The following SEMA5A variants were observed in gnomAD, a reference collection of about 807,000 sequenced individuals.
SEMA5A encodes semaphorin 5A.
Under a neutral mutation model 135.5 loss-of-function variants are expected in SEMA5A, and 55 were observed. The observed-to-expected ratio is 0.41, with a 90% CI of 0.33 to 0.51. The LOEUF is 0.51. SEMA5A is among the 20% of genes least tolerant of loss of function. The pLI, the probability that SEMA5A is intolerant of heterozygous loss-of-function variation, is 0.37. For missense variants in SEMA5A, 1,290 were observed against 1,419.9 expected, an observed-to-expected ratio of 0.91 and a Z score of 1.47; for synonymous variants, 580 against 546.5, an observed-to-expected ratio of 1.06 and a Z score of -0.85.
At chr5:9,257,685 C>A (rs761742793) in intron 5 of SEMA5A, among the ~76,000 whole-genome samples, 1 of 152,122 alleles carries the variant, frequency 6.6e-6, no homozygotes. Flanking sequence ...CTTACCCTTC[C>A]CCTTGGTCAT....
intron 16 of SEMA5A, among the ~76,000 whole-genome samples, chr5:9,085,679 G>A (rs1738641142): frequency 6.6e-6 from 1 of 152,206 alleles, no homozygotes; most frequent in East Asian, 1.9e-4. Context: ...CTCTGTTAGG[G>A]CAGTTCAGAA....
chr5:9,431,861 A>G (rs917198743), intron 2 of SEMA5A, among the ~76,000 whole-genome samples: 3 of 152,094 alleles, frequency 2.0e-5, no homozygotes, highest in South Asian at 4.1e-4. Context: ...TCCCAGCCTC[A>G]CTCAATCACG....
intron 6 of SEMA5A, among the ~76,000 whole-genome samples, chr5:9,227,925 G>A (rs769937247): frequency 7.2e-5 from 11 of 152,194 alleles, no homozygotes; most frequent in Non-Finnish European, 1.0e-4. Context: ...AAACATTTGG[G>A]ACAAAACCCT....
At chr5:9,245,639 A>ACCAGGGAGG (rs1327452231) in intron 5 of SEMA5A, among the ~76,000 whole-genome samples, 1 of 152,214 alleles carries the variant, frequency 6.6e-6, no homozygotes, top group Non-Finnish European at 1.5e-5. Flanking sequence ...TCTATAATAA[A>ACCAGGGAGG]CCAGGGAGGC....
chr5:9,535,417 C>T (rs1182296038), intron 1 of SEMA5A, among the ~76,000 whole-genome samples: 1 of 152,074 alleles, frequency 6.6e-6, no homozygotes, highest in Non-Finnish European at 1.5e-5. Context: ...TGCCTGGACA[C>T]GCTGAGATGC....
chr5:9,350,920 T>C (rs1433881536), intron 3 of SEMA5A, among the ~76,000 whole-genome samples: 3 of 152,236 alleles, frequency 2.0e-5, no homozygotes, highest in African/African-American at 7.2e-5. Context: ...TGAGTCCTTC[T>C]AGAAAATCAT....
At chr5:9,223,434 T>A (rs549997474) in intron 8 of SEMA5A, among the ~76,000 whole-genome samples, 2 of 152,324 alleles carry the variant, frequency 1.3e-5, no homozygotes, top group East Asian at 3.9e-4. Context: ...CAGGGGGTAC[T>A]GAAAAATTGC....
chr5:9,266,286 G>A (rs376578561), intron 5 of SEMA5A, among the ~76,000 whole-genome samples: 1 of 152,060 alleles, frequency 6.6e-6, no homozygotes, highest in Non-Finnish European at 1.5e-5. Context: ...TAAAGCACAA[G>A]TGAGCTTCTG....
intron 11 of SEMA5A, among the ~76,000 whole-genome samples, chr5:9,155,386 T>C (rs1742898385): frequency 6.6e-6 from 1 of 152,142 alleles, no homozygotes; most frequent in African/African-American, 2.4e-5. Flanking sequence ...TTTATCTGCT[T>C]GACTGCTAGC....
At chr5:9,206,406 C>T (rs1202949220) in intron 8 of SEMA5A, among the ~76,000 whole-genome samples, 1 of 151,958 alleles carries the variant, frequency 6.6e-6, no homozygotes, top group African/African-American at 2.4e-5. Context: ...AGTGACCATA[C>T]AGATAGGACT....
chr5:9,394,934 A>G (rs911875424), intron 2 of SEMA5A, among the ~76,000 whole-genome samples: 2 of 152,176 alleles, frequency 1.3e-5, no homozygotes, highest in Non-Finnish European at 2.9e-5. Context: ...AAAAATAGAG[A>G]AGAAAAACTC....
intron 16 of SEMA5A, among the ~76,000 whole-genome samples, chr5:9,072,081 TTTCC>T (rs2150083856): frequency 6.6e-6 from 1 of 152,344 alleles, no homozygotes; most frequent in East Asian, 1.9e-4. Flanking sequence ...GTGTCTTCTG[TTTCC>T]CACCAATATG....
intron 11 of SEMA5A, among the ~76,000 whole-genome samples, chr5:9,180,125 A>C (rs960406422): frequency 5.3e-5 from 8 of 152,296 alleles, no homozygotes; most frequent in Non-Finnish European, 7.3e-5. Flanking sequence ...TCTTACAAGC[A>C]CACCAGTCAT....
At chr5:9,389,798 A>T (rs1179653851) in intron 2 of SEMA5A, among the ~76,000 whole-genome samples, 3 of 151,906 alleles carry the variant, frequency 2.0e-5, no homozygotes, top group Non-Finnish European at 4.4e-5. Context: ...ATTTTTTCCC[A>T]CTTTTCTCTC....
At chr5:9,300,650 T>C (rs1037799191) in intron 5 of SEMA5A, among the ~76,000 whole-genome samples, 1 of 152,172 alleles carries the variant, frequency 6.6e-6, no homozygotes, top group African/African-American at 2.4e-5. Context: ...ATGGTAACCT[T>C]ATTTGGAGAA....
chr5:9,168,477 C>T (rs1227372073), intron 11 of SEMA5A, among the ~76,000 whole-genome samples: 1 of 152,164 alleles, frequency 6.6e-6, no homozygotes, highest in African/African-American at 2.4e-5. Flanking sequence ...TAGCATGGTG[C>T]CAAGGTCAAG....
chr5:9,495,961 T>G (rs1735280791), intron 1 of SEMA5A, among the ~76,000 whole-genome samples: 1 of 152,166 alleles, frequency 6.6e-6, no homozygotes, highest in Non-Finnish European at 1.5e-5. Context: ...AATGGAAACT[T>G]CATGAGGACC....
At chr5:9,508,828 T>C (rs1391089141) in intron 1 of SEMA5A, among the ~76,000 whole-genome samples, 1 of 152,172 alleles carries the variant, frequency 6.6e-6, no homozygotes, top group African/African-American at 2.4e-5. Context: ...TTCACAGCCA[T>C]GTCTGTCTTC....
intron 1 of SEMA5A, among the ~76,000 whole-genome samples, chr5:9,470,551 G>A (rs184421481): frequency 3.3e-5 from 5 of 152,280 alleles, no homozygotes; most frequent in East Asian, 1.9e-4. Flanking sequence ...ATCCATGAGC[G>A]CTGTCCAGTC....
Sources: allele counts gnomAD v4.1 joint callset (sites outside exome capture counted in the v4.1 genomes callset), GRCh38; gene constraint gnomAD v4.1.1; transcripts MANE v1.5; gene names NCBI Gene and HGNC (gene_info 2026-07-23, HGNC 2026-07-21).